The following MSR1 variants were observed in gnomAD, a reference collection of about 807,000 sequenced individuals.
MSR1 encodes the protein macrophage scavenger receptor types I and II.
Under a neutral mutation model 47.2 loss-of-function variants are expected in MSR1, and 53 were observed. The ratio of observed to expected loss-of-function variants is 1.12; its 90% confidence interval spans 0.90 to 1.41. The LOEUF (loss-of-function observed/expected upper bound fraction) is 1.41. Among genes scored for constraint, MSR1 ranks in the 40% most tolerant of loss-of-function variants. The pLI is 0.00. For missense variants in MSR1, 786 were observed against 546.9 expected, an observed-to-expected ratio of 1.44 and a Z score of -4.36; for synonymous variants, 239 against 185.6, an observed-to-expected ratio of 1.29 and a Z score of -2.34.
rs556616518 is a variant in MSR1, at chr8:16,187,134, G to A, written c.-5+5464C>T. On this transcript the variant is annotated intron_variant, in intron 1 of 9. Coordinates refer to ENST00000262101, the MANE Select transcript of MSR1 (RefSeq NM_138715.3). ...TTCCTGCACTTTGGGAGGCTGAGGC[G>A]GGTGGATCACCTGAGGTCAGGAGTT... 7.2e-5 allele frequency among the ~76,000 whole-genome samples: 11 copies of A among 151,732 alleles called. No homozygotes were observed. In the South Asian group the frequency reaches 1.3e-3, roughly 17 times the overall value.
At position 16,120,506 on chromosome 8, in the gene MSR1, G is replaced by C; in HGVS notation, c.1134C>G (p.Arg378=). 1 of 1,613,486 alleles carries C rather than the reference G, an allele frequency of 6.2e-7. No homozygotes were observed. Among genetic ancestry groups the C allele is most frequent in the African/African-American group, 1.3e-5 (1 of 74,806 alleles). The change falls in exon 9 of 10, where the codon CGC becomes CGG. Residue 378 remains arginine (R), a synonymous_variant. Coordinates refer to ENST00000262101, the MANE Select transcript of MSR1 (RefSeq NM_138715.3). ...CGACCTGTCCAACGCGCACTTCCCA[G>C]CGATCGTCACAAATTGTACCCCACT... ...SGQWGTICDD[R]WEVRVGQVVC...
intron 8 of MSR1, chr8:16,139,733 T>A: frequency 3.1e-6 from 1 of 327,542 alleles, no homozygotes; most frequent in Non-Finnish European, 3.8e-6. Context: ...CAAGCTCGAC[T>A]ACACTTCAAA....
At chr8:16,154,895 TC>T (rs928798685) in intron 6 of MSR1, among the ~76,000 whole-genome samples, 168 bp downstream of exon 6, 29 of 151,524 alleles carry the variant, frequency 1.9e-4, no homozygotes, top group African/African-American at 6.0e-4. Flanking sequence ...CATTTACTAA[TC>T]CCCCAAAACA....
intron 7 of MSR1, among the ~76,000 whole-genome samples, chr8:16,144,226 C>T (rs1386772382): frequency 2.0e-5 from 3 of 151,978 alleles, no homozygotes; most frequent in East Asian, 3.9e-4. Context: ...AGAAACATTG[C>T]TAGATCTTTT....
Position 16,109,999 on chromosome 8 carries a change from T to G in MSR1, c.*86A>C. 2.6e-6 allele frequency: 4 copies of G among 1,515,772 alleles called. No homozygotes were observed. The highest frequency in any genetic ancestry group is 3.6e-6 in the Non-Finnish European group (4 of 1,097,354). The allele number at this position is 1,515,772 out of a possible 1,614,324, so 93.9% of individuals were successfully genotyped here. ...TGGGCAATATTCTTAATCTCTTAAA[T>G]ATTGATTAAATGGATTTTACAGGAA... On this transcript the variant is annotated 3_prime_UTR_variant, in exon 10 of 10. Coordinates refer to ENST00000262101, the MANE Select transcript of MSR1 (RefSeq NM_138715.3).
intron 4 of MSR1, 83 bp from the exon 5 acceptor site, chr8:16,164,334 A>G (rs1472294935): frequency 6.6e-6 from 8 of 1,209,848 alleles, no homozygotes; most frequent in Non-Finnish European, 9.6e-6. Flanking sequence ...CTCGGAGTTC[A>G]GGTTTTTAAA....
chr8:16,113,304 G>T (rs1563136362), intron 9 of MSR1, among the ~76,000 whole-genome samples: 1 of 151,668 alleles, frequency 6.6e-6, no homozygotes. Flanking sequence ...GGGGGATTTG[G>T]GTATCTTTAA....
At chr8:16,192,313 T>A (rs1802220595) in intron 1 of MSR1, among the ~76,000 whole-genome samples, 1 of 152,152 alleles carries the variant, frequency 6.6e-6, no homozygotes, top group Non-Finnish European at 1.5e-5. Context: ...AAAAACCCCA[T>A]TGCTGGTTCA....
chr8:16,111,169 A>G (rs185343518), intron 9 of MSR1, among the ~76,000 whole-genome samples: 71 of 152,298 alleles, frequency 4.7e-4, no homozygotes, highest in Middle Eastern at 3.4e-3. Flanking sequence ...TAAAGTCTAT[A>G]AAAACTTTTT....
In MSR1 at chr8:16,134,008, T is replaced by C. The variant is rs191747594; in HGVS notation, c.1033+9550A>G. Among the ~76,000 whole-genome samples, 23 of 152,280 alleles carry C rather than the reference T, an allele frequency of 1.5e-4. No homozygotes were observed. The South Asian group carries it at 3.5e-3, about 23-fold the overall frequency. The stretch of plus-strand genomic sequence containing the variant: ...CAAGATGTATTTTTTTCCTCACAAA[T>C]TGACGTGGATAGTCAGCTGCTGCAG... On this transcript the variant is annotated intron_variant, in intron 8 of 9. Transcript: ENST00000262101.
At chr8:16,133,596 T>C (rs76325244) in intron 8 of MSR1, among the ~76,000 whole-genome samples, 2 of 152,178 alleles carry the variant, frequency 1.3e-5, no homozygotes, top group African/African-American at 4.8e-5. Flanking sequence ...ACAAGAAAAA[T>C]CACTTGAGCA....
chr8:16,155,942 A>G (rs374766615), intron 5 of MSR1, among the ~76,000 whole-genome samples: 16 of 152,022 alleles, frequency 1.1e-4, no homozygotes, highest in African/African-American at 3.4e-4. Flanking sequence ...CTGTAACTAA[A>G]CAACCCTGAT....
chr8:16,168,925 G>A, intron 3 of MSR1, 55 bp from the exon 4 acceptor site: 1 of 1,516,190 alleles, frequency 6.6e-7, no homozygotes, highest in Non-Finnish European at 9.1e-7. Flanking sequence ...AATGCATACA[G>A]GATCCCATCC....
chr8:16,123,544 T>G (rs989106473), intron 8 of MSR1, among the ~76,000 whole-genome samples: 1 of 150,852 alleles, frequency 6.6e-6, no homozygotes, highest in Non-Finnish European at 1.5e-5. Flanking sequence ...TCCATTTGGG[T>G]ATTTTTATCT....
At chr8:16,136,584 A>G (rs1444313234) in intron 8 of MSR1, among the ~76,000 whole-genome samples, 2 of 152,072 alleles carry the variant, frequency 1.3e-5, no homozygotes, top group African/African-American at 4.8e-5. Context: ...CTATTAAGGA[A>G]CACATCTATT....
At chr8:16,128,448 T>A (rs1800178840) in intron 8 of MSR1, among the ~76,000 whole-genome samples, 1 of 151,870 alleles carries the variant, frequency 6.6e-6, no homozygotes, top group South Asian at 2.1e-4. Flanking sequence ...GAAGTCACAA[T>A]GAGAAGGGGG....
rs146498803 is a variant in MSR1 at position 16,141,084 on chromosome 8, C to G, written c.1033+2474G>C. On this transcript the variant is annotated intron_variant, in intron 8 of 9. Coordinates refer to ENST00000262101, the MANE Select transcript of MSR1 (RefSeq NM_138715.3). ...AAAGGAGGAAATTAATTATTTTTAA[C>G]ATATTTTCAGAAAGCCTTACAAAAT... is the stretch of plus-strand genomic sequence containing the variant. 10 of 1,608,054 alleles carry G rather than the reference C, an allele frequency of 6.2e-6. No individual in the cohort carries two copies. In the African/African-American group the frequency reaches 1.1e-4, roughly 17 times the overall value.
chr8:16,136,193 G>C (rs550820018), intron 8 of MSR1, among the ~76,000 whole-genome samples: 1 of 152,224 alleles, frequency 6.6e-6, no homozygotes, highest in South Asian at 2.1e-4. Flanking sequence ...ATGCAGCAGA[G>C]AAATCTCTCA....
chr8:16,175,368 TAATCTCC>T, intron 2 of MSR1, 68 bp from the exon 3 acceptor site: 3 of 1,253,688 alleles, frequency 2.4e-6, no homozygotes, highest in Non-Finnish European at 3.5e-6. Context: ...AAAATTGTTT[TAATCTCC>T]AATTATATTC....
Sources: gnomAD v4.1 joint callset for allele counts (sites outside exome capture counted in the v4.1 genomes callset) on GRCh38, gnomAD v4.1.1 for gene constraint, MANE v1.5 for transcripts, NCBI Gene and HGNC (gene_info 2026-07-23, HGNC 2026-07-21) for gene names.